The following KSR2 variants were observed in gnomAD, a reference collection of about 807,000 sequenced individuals.
KSR2 encodes the protein kinase suppressor of ras 2.
A neutral mutation model predicts 107.8 loss-of-function variants in KSR2; 25 were observed. That is an observed-to-expected ratio of 0.23 (90% CI 0.17 to 0.32). The LOEUF is 0.32. KSR2 is among the 10% of genes least tolerant of loss of function. The probability of loss-of-function intolerance (pLI) is 1.00; values close to 1 mark genes in which losing one functional copy is unlikely to be tolerated. For missense variants in KSR2, 887 were observed against 1,268.9 expected (o/e 0.70, Z 4.57); for synonymous variants, 480 against 507.0 (o/e 0.95, Z 0.71).
chr12:117,708,742 G>A (rs921140007), intron 4 of KSR2, among the ~76,000 whole-genome samples: 3 of 152,126 alleles, frequency 2.0e-5, no homozygotes, highest in East Asian at 1.9e-4. Context: ...GGGTCATTCC[G>A]GCAGGAGACC....
chr12:117,550,651 A>G (rs1313723913), intron 9 of KSR2, among the ~76,000 whole-genome samples: 1 of 152,238 alleles, frequency 6.6e-6, no homozygotes, highest in Non-Finnish European at 1.5e-5. Context: ...GAGCCACAAC[A>G]GGCCAGAAAA....
chr12:117,740,835 A>G (rs1888193790), intron 4 of KSR2, among the ~76,000 whole-genome samples: 1 of 152,080 alleles, frequency 6.6e-6, no homozygotes, highest in Non-Finnish European at 1.5e-5. Context: ...CTGCCAGGTG[A>G]TGATAATGAC....
intron 5 of KSR2, among the ~76,000 whole-genome samples, chr12:117,639,477 G>A (rs1024561098): frequency 2.0e-5 from 3 of 150,850 alleles, no homozygotes; most frequent in East Asian, 3.9e-4. Flanking sequence ...TTACAGGTGT[G>A]CACCACCATG....
intron 2 of KSR2, among the ~76,000 whole-genome samples, chr12:117,858,665 G>T (rs950409738): frequency 6.6e-6 from 1 of 152,174 alleles, no homozygotes; most frequent in South Asian, 2.1e-4. Flanking sequence ...AGCTCTGGGG[G>T]GACCCAGGCA....
At chr12:117,726,532 T>G (rs781202958) in intron 4 of KSR2, among the ~76,000 whole-genome samples, 2 of 152,338 alleles carry the variant, frequency 1.3e-5, no homozygotes, top group Non-Finnish European at 2.9e-5. Context: ...TCAGCATCCT[T>G]GGTCTCTCCC....
At chr12:117,612,855 T>G (rs551979313) in intron 5 of KSR2, among the ~76,000 whole-genome samples, 1 of 152,200 alleles carries the variant, frequency 6.6e-6, no homozygotes, top group South Asian at 2.1e-4. Flanking sequence ...AGTGAGTGAG[T>G]TCTCACCAGA....
In KSR2 at chr12:117,968,277, C is replaced by T. The variant is rs1414459657; in HGVS notation, c.-22G>A. ...CCATCGCTTGCTCTGCAACCCCCTT[C>T]CCCTCCTCCTCCTCCCAGAGAGAAA... On this transcript the variant is annotated 5_prime_UTR_variant, in exon 1 of 20. Transcript: ENST00000339824. 3 of 1,545,266 alleles carry T rather than the reference C, an allele frequency of 1.9e-6. No homozygotes were observed. Among genetic ancestry groups the T allele is most frequent in the African/African-American group, 2.9e-5 (2 of 68,432 alleles).
chr12:117,634,581 C>A (rs1882966739), intron 5 of KSR2, among the ~76,000 whole-genome samples: 1 of 152,092 alleles, frequency 6.6e-6, no homozygotes, highest in African/African-American at 2.4e-5. Flanking sequence ...TTCACACACA[C>A]AAGCGAGGAG....
intron 6 of KSR2, among the ~76,000 whole-genome samples, chr12:117,581,777 G>A (rs757749642): frequency 6.6e-5 from 10 of 152,190 alleles, no homozygotes; most frequent in Non-Finnish European, 1.0e-4. Flanking sequence ...ACTGAACGCC[G>A]CACCAGAGAA....
intron 3 of KSR2, among the ~76,000 whole-genome samples, chr12:117,854,936 C>A (rs946046463): frequency 2.0e-5 from 3 of 151,896 alleles, no homozygotes; most frequent in African/African-American, 7.3e-5. Flanking sequence ...ATACATATAT[C>A]CATTTGTCAG....
intron 1 of KSR2, among the ~76,000 whole-genome samples, chr12:117,933,901 A>C (rs1284607011): frequency 6.6e-6 from 1 of 152,172 alleles, no homozygotes; most frequent in Non-Finnish European, 1.5e-5. Context: ...TCACCATCCC[A>C]AAAAAGATAC....
chr12:117,963,122 G>A (rs558566601), intron 1 of KSR2, among the ~76,000 whole-genome samples: 2 of 151,872 alleles, frequency 1.3e-5, no homozygotes, highest in African/African-American at 4.8e-5. Flanking sequence ...ACTGGGAAGC[G>A]GAGGTTGCAA....
At chr12:117,545,695 T>A (rs1876809821) in intron 9 of KSR2, among the ~76,000 whole-genome samples, 1 of 152,180 alleles carries the variant, frequency 6.6e-6, no homozygotes, top group East Asian at 1.9e-4. Flanking sequence ...GGTTTGTCAA[T>A]CTCATTTTTA....
At chr12:117,644,898 A>G (rs79113065) in intron 5 of KSR2, among the ~76,000 whole-genome samples, 4,691 of 152,270 alleles carry the variant, frequency 0.031, 238 homozygotes, top group African/African-American at 0.11. Context: ...TCGCGTGCTC[A>G]GCATCCCTAT....
At chr12:117,559,033 TGGATGGAA>T (rs1433814773) in intron 7 of KSR2, among the ~76,000 whole-genome samples, 4 of 130,644 alleles carry the variant, frequency 3.1e-5, no homozygotes, top group African/African-American at 1.1e-4. Context: ...GATAGATGGA[TGGATGGAA>T]GGATGGATGG....
At chr12:117,771,882 G>T (rs116404086) in intron 3 of KSR2, among the ~76,000 whole-genome samples, 9,695 of 145,414 alleles carry the variant, frequency 0.067, 336 homozygotes, top group East Asian at 0.12. Flanking sequence ...CCCCAAAGAC[G>T]CACAAACACA....
chr12:117,685,203 G>A (rs1043089931), intron 4 of KSR2, among the ~76,000 whole-genome samples: 1 of 152,190 alleles, frequency 6.6e-6, no homozygotes, highest in Non-Finnish European at 1.5e-5. Flanking sequence ...CCTGATCTGT[G>A]TTGGCGTCCA....
intron 1 of KSR2, among the ~76,000 whole-genome samples, 188 bp downstream of exon 1, chr12:117,967,888 A>G (rs1437336111): frequency 6.6e-6 from 1 of 152,038 alleles, no homozygotes; most frequent in Non-Finnish European, 1.5e-5. Flanking sequence ...AGGATATCCA[A>G]TGCAGGCTTT....
At chr12:117,793,260 A>G (rs1484826532) in intron 3 of KSR2, among the ~76,000 whole-genome samples, 1 of 144,348 alleles carries the variant, frequency 6.9e-6, no homozygotes, top group Non-Finnish European at 1.5e-5. Flanking sequence ...ACACCCTCAC[A>G]CCAACATGCA....
Sources: gnomAD v4.1 joint callset for allele counts (sites outside exome capture counted in the v4.1 genomes callset) on GRCh38, gnomAD v4.1.1 for gene constraint, MANE v1.5 for transcripts, NCBI Gene and HGNC (gene_info 2026-07-23, HGNC 2026-07-21) for gene names.